STIM2: variants seen among roughly 807,000 people sequenced by gnomAD.
STIM2 encodes stromal interaction molecule 2.
A neutral mutation model predicts 85.8 loss-of-function variants in STIM2; 31 were observed. That is an observed-to-expected ratio of 0.36 (90% CI 0.27 to 0.49). STIM2 has a LOEUF of 0.49. Among genes scored for constraint, STIM2 ranks in the 20% least tolerant of loss-of-function variants. The pLI is 0.98. For missense variants in STIM2, 841 were observed against 927.6 expected (o/e 0.91, Z 1.21); for synonymous variants, 356 against 331.1 (o/e 1.08, Z -0.82).
chr4:26,874,129 T>A (rs1722729619), intron 1 of STIM2: 3 of 530,944 alleles, frequency 5.7e-6, no homozygotes, highest in Non-Finnish European at 1.1e-5. Context: ...GGCTCTGGGG[T>A]TTCCAAGTGT....
chr4:26,953,316 C>T (rs1472440057), intron 2 of STIM2, among the ~76,000 whole-genome samples: 3 of 152,140 alleles, frequency 2.0e-5, no homozygotes. Context: ...TCAACATGGA[C>T]ATATAAAAAC....
At chr4:26,908,672 CAG>C (rs1195052010) in intron 1 of STIM2, among the ~76,000 whole-genome samples, 2 of 152,124 alleles carry the variant, frequency 1.3e-5, no homozygotes, top group African/African-American at 4.8e-5. Flanking sequence ...TTAGTAGAGA[CAG>C]AGTTTCACCA....
At chr4:26,904,661 A>C (rs1266683000) in intron 1 of STIM2, among the ~76,000 whole-genome samples, 1 of 152,124 alleles carries the variant, frequency 6.6e-6, no homozygotes, top group Non-Finnish European at 1.5e-5. Context: ...GAAAGGGAGG[A>C]GAAAAATTAG....
intron 3 of STIM2, among the ~76,000 whole-genome samples, chr4:26,992,611 G>T (rs1244983641): frequency 6.6e-6 from 1 of 151,638 alleles, no homozygotes; most frequent in East Asian, 1.9e-4. Flanking sequence ...AGATATGAAG[G>T]TTTAATGAAA....
chr4:26,967,431 A>G (rs1726764565), intron 3 of STIM2, among the ~76,000 whole-genome samples: 1 of 152,134 alleles, frequency 6.6e-6, no homozygotes, highest in Non-Finnish European at 1.5e-5. Context: ...ATGGAGGGAG[A>G]ATCAGGAAGG....
At position 26,943,265 on chromosome 4, in the gene STIM2, C is replaced by G. The variant is rs1423116309; in HGVS notation, c.283-14347C>G. ...TGGTTTCCTGTTTGTATAGGAAAGG[C>G]AAGAAAAATGATTGATTGAATCCCC... On this transcript the variant is annotated intron_variant, in intron 2 of 11. Coordinates refer to ENST00000467087, the MANE Select transcript of STIM2 (RefSeq NM_020860.4). Among the ~76,000 whole-genome samples, 9 of 151,712 alleles carry G rather than the reference C, an allele frequency of 5.9e-5. No individual in the cohort carries two copies. The East Asian group carries it at 1.5e-3, about 26-fold the overall frequency.
At chr4:26,897,841 C>G (rs542247496) in intron 1 of STIM2, among the ~76,000 whole-genome samples, 1 of 152,234 alleles carries the variant, frequency 6.6e-6, no homozygotes, top group East Asian at 1.9e-4. Context: ...ACATGGCTCA[C>G]TGTAGCCTTG....
At chr4:26,923,287 AG>A (rs1560208676) in intron 2 of STIM2, among the ~76,000 whole-genome samples, 1 of 151,724 alleles carries the variant, frequency 6.6e-6, no homozygotes, top group Non-Finnish European at 1.5e-5. Flanking sequence ...AAAACAGAAC[AG>A]AAAAACTGGA....
intron 3 of STIM2, among the ~76,000 whole-genome samples, chr4:26,958,219 G>A (rs1726323151): frequency 6.6e-6 from 1 of 152,038 alleles, no homozygotes; most frequent in Non-Finnish European, 1.5e-5. Flanking sequence ...TTCTCAAGGT[G>A]TATTATGGAC....
chr4:26,947,753 G>T (rs960729493), intron 2 of STIM2, among the ~76,000 whole-genome samples: 2 of 152,260 alleles, frequency 1.3e-5, no homozygotes, highest in Admixed American at 6.5e-5. Flanking sequence ...GGAAGCCACG[G>T]CCTCTTCATT....
In STIM2 at chr4:27,003,069, A is replaced by T. The variant is rs1258712023; in HGVS notation, c.946A>T (p.Ser316Cys). The change falls in exon 7 of 12, where the codon AGT becomes TGT. Residue 316 changes from serine (S) to cysteine (C), a missense_variant. Ser to Cys is a moderately radical substitution (Grantham distance 112). Around this residue, in one of 3 missense-constraint regions of STIM2, gnomAD observed 408 missense variants for 525.4 expected, o/e 0.78. Coordinates refer to ENST00000467087, the MANE Select transcript of STIM2 (RefSeq NM_020860.4). ...AAGGGAGGGAGCTGAATGTGAATTG[A>T]GTAGACGTCAGTATGCAGAACAGGA... 1 of 1,595,514 alleles carries T rather than the reference A, an allele frequency of 6.3e-7. No homozygotes were observed. Among genetic ancestry groups the T allele is most frequent in the African/African-American group, 1.4e-5 (1 of 73,480 alleles).
At chr4:26,897,583 C>G (rs1166633388) in intron 1 of STIM2, among the ~76,000 whole-genome samples, 2 of 151,980 alleles carry the variant, frequency 1.3e-5, no homozygotes, top group African/African-American at 4.8e-5. Context: ...TTGAGTATTT[C>G]AAAGAAAATC....
chr4:26,899,050 C>G (rs1465021661), intron 1 of STIM2, among the ~76,000 whole-genome samples: 1 of 151,536 alleles, frequency 6.6e-6, no homozygotes, highest in Non-Finnish European at 1.5e-5. Context: ...ATAATACAAC[C>G]CTTCTCTTGT....
At chr4:26,861,619 C>T in intron 1 of STIM2, 1 of 390,136 alleles carries the variant, frequency 2.6e-6, no homozygotes, top group East Asian at 4.7e-5. Context: ...GCTCTCCGAT[C>T]TTCCAAGCTG....
intron 1 of STIM2, among the ~76,000 whole-genome samples, chr4:26,865,080 A>G (rs74999742): frequency 0.027 from 4,185 of 152,226 alleles, 208 homozygotes; most frequent in African/African-American, 0.096. Context: ...TGTTCCTCTT[A>G]TGACGTTGTT....
chr4:26,956,387 A>C (rs1726238874), intron 2 of STIM2, among the ~76,000 whole-genome samples: 1 of 151,916 alleles, frequency 6.6e-6, no homozygotes, highest in Non-Finnish European at 1.5e-5. Flanking sequence ...ACAATGGGAA[A>C]TGGTTTAAAA....
At chr4:26,932,373 G>GT (rs537392058) in intron 2 of STIM2, among the ~76,000 whole-genome samples, 76 of 151,964 alleles carry the variant, frequency 5.0e-4, no homozygotes, top group African/African-American at 1.4e-3. Flanking sequence ...TTTTGTTTGA[G>GT]TTTTTTTTCC....
Position 26,954,780 on chromosome 4 carries a change from T to C in STIM2, c.283-2832T>C, listed in dbSNP as rs1197097985. On this transcript the variant is annotated intron_variant, in intron 2 of 11. Coordinates refer to ENST00000467087, the MANE Select transcript of STIM2 (RefSeq NM_020860.4). ...TTCTAAACAAAAATATTTCTAATTA[T>C]ACTGGTTTCTAGTCACATTCCGTGA... 1.4e-5 allele frequency among the ~76,000 whole-genome samples: 2 copies of C among 148,116 alleles called. 1 individual carries two copies. The highest frequency in any genetic ancestry group is 3.0e-5 in the Non-Finnish European group (2 of 67,214).
chr4:26,980,800 A>G (rs895046977), intron 3 of STIM2, among the ~76,000 whole-genome samples: 9 of 152,226 alleles, frequency 5.9e-5, no homozygotes, highest in Non-Finnish European at 1.3e-4. Flanking sequence ...TTCAAAAGGT[A>G]TCATAAGTAT....
Sources: allele counts gnomAD v4.1 joint callset (sites outside exome capture counted in the v4.1 genomes callset), GRCh38; gene constraint gnomAD v4.1.1; regional missense constraint gnomAD v4.1.1; transcripts MANE v1.5; gene names NCBI Gene and HGNC (gene_info 2026-07-23, HGNC 2026-07-21).